The following OTUB2 variants were observed in gnomAD, a reference collection of about 807,000 sequenced individuals.
OTUB2 encodes the protein ubiquitin thioesterase OTUB2.
OTUB2 carries 21 observed loss-of-function variants against 25.1 expected under a neutral mutation model. That is an observed-to-expected ratio of 0.84 (90% CI 0.59 to 1.21). The LOEUF is 1.21. OTUB2 is among the 50% of genes most tolerant of loss of function. The pLI is 0.00. For missense variants in OTUB2, 283 were observed against 298.0 expected, an observed-to-expected ratio of 0.95 and a Z score of 0.37; for synonymous variants, 122 against 122.8, an observed-to-expected ratio of 0.99 and a Z score of 0.04.
At chr14:94,040,029 T>C (rs191270716) in intron 3 of OTUB2, among the ~76,000 whole-genome samples, 45 of 152,202 alleles carry the variant, frequency 3.0e-4, no homozygotes, top group African/African-American at 1.0e-3. Flanking sequence ...CCTGGCCCCC[T>C]ACCCGTGACA....
intron 5 of OTUB2, 61 bp downstream of exon 5, chr14:94,044,841 A>T: frequency 6.7e-7 from 1 of 1,498,636 alleles, no homozygotes; most frequent in Non-Finnish European, 9.0e-7. Context: ...TGTCCTGCAG[A>T]CTTCAGCACC....
rs148054277 is a variant in OTUB2 at position 94,029,412 on chromosome 14, G to A, written c.3+2872G>A. ...GCAGGGCCATGCTCCCTCTGAAGGC[G>A]CTAGGGAAGGTTCTGTTCCAGGCCT... On this transcript the variant is annotated intron_variant, in intron 1 of 5. Coordinates refer to ENST00000203664, the MANE Select transcript of OTUB2 (RefSeq NM_023112.4). Among the ~76,000 whole-genome samples the A allele has an allele frequency of 4.2e-3, 638 of 152,286 alleles. 2 individuals carry two copies. Among genetic ancestry groups the A allele is most frequent in the Middle Eastern group, 6.8e-3 (2 of 294 alleles).
At position 94,047,879 on chromosome 14, in the gene OTUB2, G is replaced by A. The variant is rs573230970; in HGVS notation, c.*1957G>A. On this transcript the variant is annotated 3_prime_UTR_variant, in exon 6 of 6. Transcript: ENST00000203664. ...GCCTGTGCTGTGCTTCCAGGTCACA[G>A]AGCCCCCCGGAAACTCACAGGGGCC... is the stretch of plus-strand genomic sequence containing the variant. The A allele has an allele frequency of 2.6e-5, 4 of 152,184 alleles. No individual in the cohort carries two copies. The highest frequency in any genetic ancestry group is 5.9e-5 in the Non-Finnish European group (4 of 68,066). 9.4% of individuals were successfully genotyped at this position (152,184 alleles called of 1,614,324 possible).
In OTUB2 at chr14:94,039,352, G is replaced by T. The variant is rs550169960; in HGVS notation, c.218+271G>T. ...AGGCCTGGGTCAGCCCAGGTGAGTCGCAGGGAGCAGGTACTTCGTGACCCA... is the reference window on the plus strand; with the variant it reads ...AGGCCTGGGTCAGCCCAGGTGAGTCTCAGGGAGCAGGTACTTCGTGACCCA... On this transcript the variant is annotated intron_variant, in intron 3 of 5. Transcript: ENST00000203664. The T allele has an allele frequency of 1.2e-5, 6 of 505,488 alleles. No homozygotes were observed. The South Asian group carries it at 1.8e-4, about 15-fold the overall frequency. 31.3% of individuals were successfully genotyped at this position (505,488 alleles called of 1,614,324 possible). A position where few individuals can be genotyped will look rare whatever the true frequency, so the allele number is the denominator to read the frequency against.
intron 1 of OTUB2, among the ~76,000 whole-genome samples, chr14:94,031,874 T>A (rs1012743677): frequency 2.0e-5 from 3 of 152,258 alleles, no homozygotes; most frequent in African/African-American, 7.2e-5. Flanking sequence ...GGTGGCCTAA[T>A]TAGGTCTGAC....
chr14:94,032,835 T>G (rs1248402730), intron 1 of OTUB2, among the ~76,000 whole-genome samples: 1 of 152,234 alleles, frequency 6.6e-6, no homozygotes, highest in Non-Finnish European at 1.5e-5. Flanking sequence ...AAAAATTCCT[T>G]CCTGAGGCTG....
At chr14:94,044,515 A>AGCGGAGGGAGAAT in intron 4 of OTUB2, 71 bp from the exon 5 acceptor site, 2 of 1,463,970 alleles carry the variant, frequency 1.4e-6, no homozygotes, top group East Asian at 4.6e-5. Context: ...GAAGGGAGGG[A>AGCGGAGGGAGAAT]GCGGAGGGAG....
At chr14:94,029,474 G>A (rs573776776) in intron 1 of OTUB2, among the ~76,000 whole-genome samples, 66 of 152,164 alleles carry the variant, frequency 4.3e-4, no homozygotes, top group Non-Finnish European at 8.5e-4. Flanking sequence ...GCTTGTGGTT[G>A]CAGAACTTTG....
chr14:94,045,041 T>G (rs2141415233), intron 5 of OTUB2, among the ~76,000 whole-genome samples: 1 of 152,354 alleles, frequency 6.6e-6, no homozygotes, highest in East Asian at 1.9e-4. Context: ...AAAACCACAG[T>G]CATAGTCCAA....
At chr14:94,036,084 C>A (rs1012413458) in intron 1 of OTUB2, among the ~76,000 whole-genome samples, 3 of 152,162 alleles carry the variant, frequency 2.0e-5, no homozygotes, top group Non-Finnish European at 4.4e-5. Context: ...AGCTAATCAT[C>A]AAAAATCCGG....
intron 3 of OTUB2, chr14:94,039,395 A>C: frequency 2.8e-6 from 1 of 356,978 alleles, no homozygotes; most frequent in South Asian, 4.9e-5. Flanking sequence ...AAGAAAAGAA[A>C]AGACAAACAA....
intron 1 of OTUB2, among the ~76,000 whole-genome samples, chr14:94,034,810 T>C (rs1885021206): frequency 6.6e-6 from 1 of 151,508 alleles, no homozygotes; most frequent in Admixed American, 6.6e-5. Flanking sequence ...TCTCTGTTCC[T>C]TTTATCCAAA....
rs761617874 is a variant in OTUB2 at position 94,044,051 on chromosome 14, A to G, written c.299A>G (p.Asn100Ser). 26 of 1,613,840 alleles carry G rather than the reference A, an allele frequency of 1.6e-5. No individual in the cohort carries two copies. The highest frequency in any genetic ancestry group is 3.3e-5 in the Admixed American group (2 of 60,006). Residue 100 changes from asparagine to serine, a missense_variant, in exon 4 of 6, where the codon AAT (asparagine) becomes AGT (serine). Asn to Ser is a conservative substitution (Grantham distance 46). Coordinates refer to ENST00000203664, the MANE Select transcript of OTUB2 (RefSeq NM_023112.4). The stretch of plus-strand genomic sequence containing the variant: ...GAGCACAAGTTCAGAAACTTCTTCA[A>G]TGCTGTGAGTTCACCTGGTCCCTCC... ...FEEHKFRNFF[N>S]AFYSVVELVE...
chr14:94,036,752 ATGAAGATGCCCTCCTG>A (rs1885062136), intron 1 of OTUB2, among the ~76,000 whole-genome samples: 2 of 152,154 alleles, frequency 1.3e-5, no homozygotes, highest in Admixed American at 1.3e-4. Context: ...TAGGTGGTGC[ATGAAGATGCCCTCCTG>A]CCCTGTGCTC....
At chr14:94,038,526 T>C (rs1215614074) in intron 2 of OTUB2, among the ~76,000 whole-genome samples, 1 of 152,196 alleles carries the variant, frequency 6.6e-6, no homozygotes, top group Non-Finnish European at 1.5e-5. Flanking sequence ...ACCTACTTAC[T>C]GCTAGGAGTG....
At chr14:94,030,474 C>A (rs1884938682) in intron 1 of OTUB2, among the ~76,000 whole-genome samples, 2 of 151,946 alleles carry the variant, frequency 1.3e-5, no homozygotes. Flanking sequence ...AGAGGAAGAT[C>A]TGAGGGCCTG....
At chr14:94,035,161 C>G (rs1284505930) in intron 1 of OTUB2, among the ~76,000 whole-genome samples, 1 of 152,064 alleles carries the variant, frequency 6.6e-6, no homozygotes, top group Admixed American at 6.6e-5. Context: ...AGGGTCGGTA[C>G]AGAGTGGAAG....
chr14:94,037,614 T>C, intron 2 of OTUB2, 139 bp downstream of exon 2: 1 of 506,166 alleles, frequency 2.0e-6, no homozygotes, highest in East Asian at 3.4e-5. Context: ...TATTTTGATG[T>C]TGGACATTTG....
chr14:94,046,291 G>A lies in OTUB2; in HGVS notation c.*369G>A. 1 of 326,002 alleles carries A rather than the reference G, an allele frequency of 3.1e-6. No homozygotes were observed. Among genetic ancestry groups the A allele is most frequent in the Non-Finnish European group, 5.8e-6 (1 of 173,000 alleles). 20.2% of individuals were successfully genotyped at this position (326,002 alleles called of 1,614,324 possible). The stretch of plus-strand genomic sequence containing the variant: ...GGCCTCTGGTGTCTCTTTACCAGGG[G>A]CAGTGCCTCTCTGCGGGGGAGGAAA... On this transcript the variant is annotated 3_prime_UTR_variant, in exon 6 of 6. Transcript: ENST00000203664.
Sources: gnomAD v4.1 joint callset for allele counts (sites outside exome capture counted in the v4.1 genomes callset) on GRCh38, gnomAD v4.1.1 for gene constraint, MANE v1.5 for transcripts, NCBI Gene and HGNC (gene_info 2026-07-23, HGNC 2026-07-21) for gene names.